The following TRDN variants were observed in gnomAD, a reference collection of about 807,000 sequenced individuals.
TRDN encodes the protein triadin, also known as triadin in skeletal muscle.
In TRDN, 161 loss-of-function variants were observed where a neutral mutation model predicts 149.7. The observed-to-expected ratio is 1.08, with a 90% CI of 0.95 to 1.23. The LOEUF is 1.23. Among genes scored for constraint, TRDN ranks in the 50% most tolerant of loss-of-function variants. The probability of loss-of-function intolerance (pLI) is 0.00; values close to 1 mark genes in which losing one functional copy is unlikely to be tolerated. For missense variants in TRDN, 896 were observed against 823.5 expected (o/e 1.09, Z -1.08); for synonymous variants, 294 against 250.5 (o/e 1.17, Z -1.64).
chr6:123,437,381 ATTTTTTTTTTTTTTT>A (rs565538741), intron 12 of TRDN: 3 of 184,000 alleles, frequency 1.6e-5, no homozygotes, highest in South Asian at 4.9e-5. Context: ...TGAGATACAG[ATTTTTTTTTTTTTTT>A]TTTTTTTTTT....
At chr6:123,560,017 CAGTCT>C (rs1339229319) in intron 2 of TRDN, among the ~76,000 whole-genome samples, 1 of 152,200 alleles carries the variant, frequency 6.6e-6, no homozygotes, top group African/African-American at 2.4e-5. Context: ...CCCATGACTT[CAGTCT>C]AGTCAGAATT....
intron 21 of TRDN, among the ~76,000 whole-genome samples, chr6:123,340,688 A>G (rs1780034708): frequency 6.6e-6 from 1 of 151,912 alleles, no homozygotes; most frequent in African/African-American, 2.4e-5. Context: ...ATATTTTTTC[A>G]CGAACATAAT....
At chr6:123,392,477 A>G (rs1411885424) in intron 13 of TRDN, among the ~76,000 whole-genome samples, 2 of 152,004 alleles carry the variant, frequency 1.3e-5, no homozygotes, top group African/African-American at 4.8e-5. Context: ...ACTAATAGCA[A>G]TGATTTCTTA....
At chr6:123,607,957 T>C (rs1204376684) in intron 1 of TRDN, among the ~76,000 whole-genome samples, 1 of 151,810 alleles carries the variant, frequency 6.6e-6, no homozygotes, top group African/African-American at 2.4e-5. Context: ...CCAAAGTGCC[T>C]GGATTATAGG....
chr6:123,368,895 T>C (rs1433178588), intron 19 of TRDN, among the ~76,000 whole-genome samples: 1 of 152,214 alleles, frequency 6.6e-6, no homozygotes, highest in Non-Finnish European at 1.5e-5. Context: ...ACCAAGCTTA[T>C]GCATAAATGA....
intron 5 of TRDN, among the ~76,000 whole-genome samples, chr6:123,524,415 T>A (rs972891257): frequency 2.0e-5 from 3 of 152,150 alleles, no homozygotes; most frequent in African/African-American, 7.2e-5. Context: ...AGTTGATGGC[T>A]TAAATAGAAT....
intron 12 of TRDN, among the ~76,000 whole-genome samples, chr6:123,401,288 A>G (rs1022703626): frequency 3.3e-5 from 5 of 152,352 alleles, no homozygotes; most frequent in East Asian, 3.9e-4. Flanking sequence ...TCCAAAGGGT[A>G]GACATCCTGA....
rs369710313 is a variant in TRDN, at chr6:123,521,091, A to C, written c.485-4885T>G. On this transcript the variant is annotated intron_variant, in intron 5 of 40. Coordinates refer to ENST00000334268, the MANE Select transcript of TRDN (RefSeq NM_006073.4). ...AAATCCCTTGTCAGCCTATGACTCC[A>C]ATCCTGCAATTGTTTCCCAAAAACT... 9.8e-5 allele frequency among the ~76,000 whole-genome samples: 15 copies of C among 152,306 alleles called. No individual in the cohort carries two copies. The East Asian group carries it at 1.4e-3, about 14-fold the overall frequency.
At chr6:123,355,561 T>C (rs1023933501) in intron 20 of TRDN, among the ~76,000 whole-genome samples, 4 of 151,750 alleles carry the variant, frequency 2.6e-5, no homozygotes, top group Admixed American at 1.3e-4. Flanking sequence ...ACCTTCCAGT[T>C]TGATCTTGTT....
At chr6:123,439,230 AT>A (rs1774744736) in intron 10 of TRDN, among the ~76,000 whole-genome samples, 1 of 152,212 alleles carries the variant, frequency 6.6e-6, no homozygotes, top group Non-Finnish European at 1.5e-5. Context: ...CTCACAGTAA[AT>A]GTGTAACGTT....
intron 1 of TRDN, among the ~76,000 whole-genome samples, chr6:123,587,832 G>T (rs550675087): frequency 1.7e-4 from 26 of 152,172 alleles, no homozygotes; most frequent in African/African-American, 6.3e-4. Flanking sequence ...TTTTGAGCCA[G>T]GATGAGCCAG....
intron 1 of TRDN, among the ~76,000 whole-genome samples, chr6:123,607,262 TA>T (rs1784570044): frequency 6.6e-6 from 1 of 152,192 alleles, no homozygotes; most frequent in African/African-American, 2.4e-5. Context: ...AATGTGAAAG[TA>T]AATATGCTTC....
At chr6:123,303,164 T>C (rs551398810) in intron 24 of TRDN, among the ~76,000 whole-genome samples, 1 of 152,242 alleles carries the variant, frequency 6.6e-6, no homozygotes, top group East Asian at 1.9e-4. Flanking sequence ...TCCATATCAA[T>C]TGTCCCAGAG....
intron 10 of TRDN, among the ~76,000 whole-genome samples, chr6:123,443,377 G>A (rs1423584532): frequency 2.6e-5 from 4 of 151,960 alleles, no homozygotes; most frequent in Admixed American, 6.5e-5. Context: ...TTCTGAATGG[G>A]CAATTGGAAA....
chr6:123,432,120 A>G (rs888143327), intron 12 of TRDN, among the ~76,000 whole-genome samples: 4 of 152,136 alleles, frequency 2.6e-5, no homozygotes, highest in African/African-American at 9.7e-5. Flanking sequence ...CACCACCACA[A>G]AGATGTTTCA....
intron 24 of TRDN, among the ~76,000 whole-genome samples, chr6:123,286,910 A>T (rs1777823287): frequency 6.6e-6 from 1 of 152,046 alleles, no homozygotes; most frequent in Admixed American, 6.6e-5. Context: ...AGACCTATCA[A>T]ATCAGAAACT....
intron 21 of TRDN, chr6:123,350,390 A>T (rs1012724633): frequency 6.0e-6 from 5 of 834,444 alleles, no homozygotes; most frequent in Middle Eastern, 6.5e-4. Context: ...AAATCATATA[A>T]TTTTTCTAAA....
At chr6:123,585,853 C>T (rs1013700912) in intron 1 of TRDN, among the ~76,000 whole-genome samples, 2 of 151,996 alleles carry the variant, frequency 1.3e-5, no homozygotes, top group African/African-American at 4.8e-5. Context: ...GTTTGTCTCA[C>T]AGTGGAGGCA....
intron 9 of TRDN, among the ~76,000 whole-genome samples, chr6:123,487,432 A>G (rs1778023408): frequency 6.6e-6 from 1 of 151,982 alleles, no homozygotes; most frequent in Admixed American, 6.6e-5. Context: ...ATGGCTTCCT[A>G]AAGTTTACCC....
Sources: allele counts gnomAD v4.1 joint callset (sites outside exome capture counted in the v4.1 genomes callset), GRCh38; gene constraint gnomAD v4.1.1; transcripts MANE v1.5; gene names NCBI Gene and HGNC (gene_info 2026-07-23, HGNC 2026-07-21).